The following MYO16 variants were observed in gnomAD, a reference collection of about 807,000 sequenced individuals.
MYO16 encodes the protein unconventional myosin-XVI.
In MYO16, 94 loss-of-function variants were observed where a neutral mutation model predicts 205.3. That is an observed-to-expected ratio of 0.46 (90% CI 0.39 to 0.54). The LOEUF is 0.54. Ranked by LOEUF, MYO16 falls within the 20% of genes least tolerant of loss-of-function variation. The pLI, the probability that MYO16 is intolerant of heterozygous loss-of-function variation, is 0.00. For missense variants in MYO16, 2,315 were observed against 2,387.5 expected (o/e 0.97, Z 0.63); for synonymous variants, 988 against 954.0 (o/e 1.04, Z -0.66).
intron 4 of MYO16, among the ~76,000 whole-genome samples, chr13:108,760,865 A>G (rs1255811566): frequency 6.6e-6 from 1 of 152,202 alleles, no homozygotes; most frequent in Non-Finnish European, 1.5e-5. Flanking sequence ...CTCTACCTCC[A>G]TAAGATCAAC....
chr13:108,803,487 G>A (rs984300), intron 6 of MYO16, among the ~76,000 whole-genome samples: 65,603 of 151,966 alleles, frequency 0.43, 15,670 homozygotes, highest in East Asian at 0.63. Flanking sequence ...AATATGAAAT[G>A]GGCACAGTGT....
chr13:108,831,384 G>T (rs1259709563), intron 9 of MYO16, among the ~76,000 whole-genome samples: 1 of 152,132 alleles, frequency 6.6e-6, no homozygotes, highest in Non-Finnish European at 1.5e-5. Context: ...ACAGGATAGG[G>T]CTTCAAGGAA....
At chr13:109,031,477 T>C (rs1886546060) in intron 23 of MYO16, among the ~76,000 whole-genome samples, 2 of 152,198 alleles carry the variant, frequency 1.3e-5, no homozygotes, top group African/African-American at 4.8e-5. Flanking sequence ...GATTTGTTAA[T>C]AATAGACCTA....
intron 6 of MYO16, among the ~76,000 whole-genome samples, chr13:108,796,986 C>G (rs7992994): frequency 0.41 from 61,587 of 151,292 alleles, 12,675 homozygotes; most frequent in Middle Eastern, 0.5. Flanking sequence ...AGGGGTAAAC[C>G]GGAGAGTTTG....
chr13:109,082,321 T>G (rs1487938333), intron 27 of MYO16, among the ~76,000 whole-genome samples: 1 of 152,202 alleles, frequency 6.6e-6, no homozygotes, highest in Non-Finnish European at 1.5e-5. Context: ...GAAACACTTT[T>G]AGCAGCTAAG....
intron 14 of MYO16, among the ~76,000 whole-genome samples, chr13:108,890,261 A>G (rs1387162456): frequency 6.6e-6 from 1 of 151,570 alleles, no homozygotes. Flanking sequence ...TCTATTTCCA[A>G]CACATTCTGA....
In MYO16 at chr13:108,827,002, T is replaced by C. The variant is rs375035377; in HGVS notation, c.1097+3724T>C. Among the ~76,000 whole-genome samples, 54 of 152,306 alleles carry C rather than the reference T, an allele frequency of 3.5e-4. 1 individual carries two copies. The South Asian group carries it at 0.011, about 30-fold the overall frequency. On this transcript the variant is annotated intron_variant, in intron 9 of 34. Transcript: ENST00000457511. Reference sequence around the variant, plus strand: ...GTTCTCAAACAGTTGAACGTAGGTTTACCACGTGACCCATAAATTCTTCTC... The same window carrying C: ...GTTCTCAAACAGTTGAACGTAGGTTCACCACGTGACCCATAAATTCTTCTC...
intron 1 of MYO16, among the ~76,000 whole-genome samples, chr13:108,602,783 A>T (rs375915190): frequency 6.6e-6 from 1 of 152,190 alleles, no homozygotes; most frequent in African/African-American, 2.4e-5. Context: ...ACTACCACCA[A>T]TGGAATCCAT....
rs78275246 is a variant in MYO16 at position 109,205,521 on chromosome 13, A to G, written c.5416-1088A>G. Among the ~76,000 whole-genome samples the G allele has an allele frequency of 3.5e-3, 540 of 152,340 alleles. 5 individuals are homozygous for G. Among genetic ancestry groups the G allele is most frequent in the African/African-American group, 0.012 (495 of 41,582 alleles). On this transcript the variant is annotated intron_variant, in intron 34 of 34. Transcript: ENST00000457511. Reference sequence around the variant, plus strand: ...ACAAAGTAGTTAGTGCTTTGGAGGTAGGATGAGTCATCTCATTTCCTCTGA... The same window carrying G: ...ACAAAGTAGTTAGTGCTTTGGAGGTGGGATGAGTCATCTCATTTCCTCTGA...
chr13:109,139,136 G>A (rs1876915859), intron 31 of MYO16, among the ~76,000 whole-genome samples: 1 of 152,076 alleles, frequency 6.6e-6, no homozygotes, highest in Non-Finnish European at 1.5e-5. Flanking sequence ...TGTATTTTTG[G>A]TGGAGACAGG....
chr13:108,776,396 C>T (rs1418058171), intron 4 of MYO16, among the ~76,000 whole-genome samples: 1 of 152,172 alleles, frequency 6.6e-6, no homozygotes. Context: ...TAACACCATT[C>T]CACAAGCTCT....
chr13:108,506,433 G>A, the MYO16 span, among the ~76,000 whole-genome samples: 11 of 151,814 alleles, frequency 7.2e-5, no homozygotes, highest in East Asian at 1.9e-3. Flanking sequence ...ATTGTAAGTG[G>A]CATCATTTTT....
chr13:108,653,397 C>T (rs754617268), intron 1 of MYO16, among the ~76,000 whole-genome samples: 16 of 152,048 alleles, frequency 1.1e-4, no homozygotes, highest in Non-Finnish European at 1.9e-4. Flanking sequence ...TTGATGTAGT[C>T]TCATTCGTCT....
At chr13:108,544,987 T>G in the MYO16 span, among the ~76,000 whole-genome samples, 3 of 133,940 alleles carry the variant, frequency 2.2e-5, no homozygotes, top group Non-Finnish European at 5.3e-5. Context: ...TACCACATTT[T>G]CTTTTCTTTT....
At chr13:108,938,043 G>A (rs899166412) in intron 16 of MYO16, among the ~76,000 whole-genome samples, 1 of 151,528 alleles carries the variant, frequency 6.6e-6, no homozygotes, top group African/African-American at 2.4e-5. Context: ...TTATGCATGT[G>A]TTTTTTTTCT....
intron 16 of MYO16, among the ~76,000 whole-genome samples, chr13:108,921,109 C>T (rs975290749): frequency 3.3e-5 from 5 of 152,348 alleles, no homozygotes; most frequent in East Asian, 3.9e-4. Flanking sequence ...GTCTGCCTCA[C>T]CAGTGTAGTC....
intron 20 of MYO16, among the ~76,000 whole-genome samples, chr13:108,972,241 CTCTCTCTCTATATATATATATATATA>C (rs1884049182): frequency 7.2e-5 from 1 of 13,986 alleles, no homozygotes; most frequent in African/African-American, 2.4e-4. Context: ...CTCTCTCTCT[CTCTCTCTCTATATATATATATATATA>C]TATATATATA....
At chr13:108,715,331 C>T (rs989101704) in intron 3 of MYO16, among the ~76,000 whole-genome samples, 1 of 152,194 alleles carries the variant, frequency 6.6e-6, no homozygotes, top group African/African-American at 2.4e-5. Flanking sequence ...CTGGCTTGCC[C>T]TATGGGGTAT....
chr13:108,626,245 G>T (rs1879730241), upstream of MYO16, among the ~76,000 whole-genome samples: 1 of 152,072 alleles, frequency 6.6e-6, no homozygotes, highest in African/African-American at 2.4e-5. Flanking sequence ...GGGGTTTCTT[G>T]ATTATTCAAA....
Sources: allele counts gnomAD v4.1 joint callset (sites outside exome capture counted in the v4.1 genomes callset), GRCh38; gene constraint gnomAD v4.1.1; transcripts MANE v1.5; gene names NCBI Gene and HGNC (gene_info 2026-07-23, HGNC 2026-07-21).